Variants in AKAP13 observed in about 807,000 individuals in gnomAD.
AKAP13 encodes A-kinase anchoring protein 13.
Under a neutral mutation model 264.5 loss-of-function variants are expected in AKAP13, and 80 were observed. The ratio of observed to expected loss-of-function variants is 0.30; its 90% CI spans 0.25 to 0.36. AKAP13 has a LOEUF of 0.36. Among genes scored for constraint, AKAP13 ranks in the 10% least tolerant of loss-of-function variants. The pLI, the probability that AKAP13 is intolerant of heterozygous loss-of-function variation, is 1.00. For synonymous variants in AKAP13, 1,380 were observed against 1,250.2 expected, an observed-to-expected ratio of 1.10 and a Z score of -2.19; for missense variants, 3,712 against 3,435.2, an observed-to-expected ratio of 1.08 and a Z score of -2.01.
At chr15:85,695,829 G>A (rs2085536293) in intron 17 of AKAP13, among the ~76,000 whole-genome samples, 2 of 152,152 alleles carry the variant, frequency 1.3e-5, no homozygotes, top group South Asian at 2.1e-4. Context: ...GACTGTCACT[G>A]TTCAGTATTC....
At chr15:85,645,696 G>T in intron 9 of AKAP13, 122 bp from the exon 10 acceptor site, 1 of 1,060,562 alleles carries the variant, frequency 9.4e-7, no homozygotes. Context: ...GGAAGGAAGA[G>T]AAAAGAGTGA....
At position 85,719,235 on chromosome 15, in the gene AKAP13, A is replaced by G. The variant is rs1567212389; in HGVS notation, c.6161A>G (p.Gln2054Arg). The stretch of plus-strand genomic sequence containing the variant: ...ATCAGTATCCATAGCCAATTCTTCC[A>G]GAGGATTCTGGAGCGGAAGAAGGAG... ...ELISIHSQFF[Q>R]RILERKKESL... The change falls in exon 23 of 37, where the codon CAG becomes CGG. Residue 2054 changes from glutamine (Q) to arginine (R), a missense_variant. Gln to Arg is a conservative substitution (Grantham distance 43). This residue lies in a region of AKAP13 where 342 missense variants were observed against 484.3 expected (regional missense o/e 0.71). Coordinates refer to ENST00000394518, the MANE Select transcript of AKAP13 (RefSeq NM_007200.5). 1.2e-6 allele frequency: 2 copies of G among 1,614,190 alleles called. No individual in the cohort carries two copies. Among genetic ancestry groups the G allele is most frequent in the South Asian group, 1.1e-5 (1 of 91,088 alleles).
chr15:85,478,173 A>G (rs527831960), intron 1 of AKAP13, among the ~76,000 whole-genome samples: 1 of 152,252 alleles, frequency 6.6e-6, no homozygotes, highest in East Asian at 1.9e-4. Context: ...TAGGAACCAC[A>G]TATTATTTAT....
intron 1 of AKAP13, among the ~76,000 whole-genome samples, chr15:85,438,144 A>G (rs1436125582): frequency 6.1e-5 from 9 of 147,242 alleles, no homozygotes; most frequent in African/African-American, 7.8e-5. Context: ...TCAATGTACA[A>G]AAATCACAAG....
chr15:85,486,533 G>A (rs1039300176), intron 2 of AKAP13, among the ~76,000 whole-genome samples: 1 of 151,904 alleles, frequency 6.6e-6, no homozygotes, highest in African/African-American at 2.4e-5. Context: ...GAATTGTCTT[G>A]GGCATCCTTG....
chr15:85,674,509 G>C (rs1174776017), intron 14 of AKAP13, among the ~76,000 whole-genome samples: 4 of 152,134 alleles, frequency 2.6e-5, no homozygotes, highest in Admixed American at 2.6e-4. Context: ...TCACAAAGAA[G>C]GGCACTTTCC....
At chr15:85,520,455 G>T (rs976308454) in intron 2 of AKAP13, among the ~76,000 whole-genome samples, 1 of 135,064 alleles carries the variant, frequency 7.4e-6, no homozygotes, top group Non-Finnish European at 1.5e-5. Context: ...CTGAGATCAC[G>T]CCACTGCACT....
rs1410181573 is a variant in AKAP13, at chr15:85,749,210, A to C, written c.*4533A>C. On this transcript the variant is annotated 3_prime_UTR_variant, in exon 37 of 37. Transcript: ENST00000394518. Reference sequence around the variant, plus strand: ...ATAAAGTGAAGCAGTTTTAAACTGTAAAGATTTTTTTCAGTGTGTTTTCTC... The same window carrying C: ...ATAAAGTGAAGCAGTTTTAAACTGTCAAGATTTTTTTCAGTGTGTTTTCTC... The C allele has an allele frequency of 6.6e-6, 1 of 152,254 alleles. No individual in the cohort carries two copies. Among genetic ancestry groups the C allele is most frequent in the Non-Finnish European group, 1.5e-5 (1 of 68,050 alleles). The allele number at this position is 152,254 out of a possible 1,614,324, so 9.4% of individuals were successfully genotyped here. A position where few individuals can be genotyped will look rare whatever the true frequency, so the allele number is the denominator to read the frequency against.
intron 8 of AKAP13, chr15:85,619,578 A>G: frequency 2.0e-5 from 20 of 985,434 alleles, no homozygotes; most frequent in Non-Finnish European, 2.4e-5. Context: ...ACAGAATCTA[A>G]TGACTTTTTT....
At chr15:85,518,547 A>C (rs971936467) in intron 2 of AKAP13, among the ~76,000 whole-genome samples, 1 of 152,208 alleles carries the variant, frequency 6.6e-6, no homozygotes, top group African/African-American at 2.4e-5. Flanking sequence ...CAAAAAAACT[A>C]CAGACCAGGT....
At chr15:85,651,868 C>T (rs999255892) in intron 10 of AKAP13, among the ~76,000 whole-genome samples, 3 of 152,072 alleles carry the variant, frequency 2.0e-5, no homozygotes, top group African/African-American at 4.8e-5. Flanking sequence ...ACCTAGGATT[C>T]GAATTCTTAG....
chr15:85,744,647 A>C lies in AKAP13; in HGVS notation c.8412A>C (p.Val2804=). Reference sequence around the variant, plus strand: ...TTCCAGATGGTCCCGCGTCAGAAGTATCAGCAGAGGGTGAAGAGATCTTCT... The same window carrying C: ...TTCCAGATGGTCCCGCGTCAGAAGTCTCAGCAGAGGGTGAAGAGATCTTCT... ...SQPGDGPASE[V]SAEGEEIFC Residue 2804 remains valine, a synonymous_variant, in exon 37 of 37, where the codon GTA becomes GTC. Coordinates refer to ENST00000394518, the MANE Select transcript of AKAP13 (RefSeq NM_007200.5). 1 of 1,613,502 alleles carries C rather than the reference A, an allele frequency of 6.2e-7. No individual in the cohort carries two copies. Among genetic ancestry groups the C allele is most frequent in the Non-Finnish European group, 8.5e-7 (1 of 1,179,796 alleles).
chr15:85,651,662 C>T (rs954342215), intron 10 of AKAP13: 3 of 152,192 alleles, frequency 2.0e-5, no homozygotes, highest in Non-Finnish European at 2.9e-5. Flanking sequence ...CCTTCATTCA[C>T]GTTTGTACGC....
At chr15:85,679,068 A>G (rs1018825759) in intron 14 of AKAP13, among the ~76,000 whole-genome samples, 4 of 151,764 alleles carry the variant, frequency 2.6e-5, no homozygotes, top group Admixed American at 1.3e-4. Flanking sequence ...GTGAAACCCC[A>G]TCTCTACCAA....
In AKAP13 at chr15:85,389,414, G is replaced by T. The variant is rs565457552; in HGVS notation, c.-12+8616G>T. On this transcript the variant is annotated intron_variant, in intron 1 of 36. Transcript: ENST00000394518. ...ATCTCATTTGTTCCCTTCTCTTTGG[G>T]ACTGCAGTTCTGTGCTACCTGTTGT... Among the ~76,000 whole-genome samples, 6 of 152,272 alleles carry T rather than the reference G, an allele frequency of 3.9e-5. No individual in the cohort carries two copies. In the South Asian group the frequency reaches 1.2e-3, roughly 32 times the overall value.
intron 1 of AKAP13, among the ~76,000 whole-genome samples, chr15:85,437,558 G>A (rs2073370962): frequency 6.6e-6 from 1 of 151,844 alleles, no homozygotes; most frequent in South Asian, 2.1e-4. Flanking sequence ...GAACATTGAT[G>A]CAAAAATCCT....
rs751242439 is a variant in AKAP13, at chr15:85,580,752, A to C, written c.2684A>C (p.Gln895Pro). ...NIKGNTDSSL[Q>P]SVGKATLALD... Reference sequence around the variant, plus strand: ...AAGGGGAACACTGACTCTTCCCTGCAAAGTGTGGGTAAGGCCACTTTGGCT... The same window carrying C: ...AAGGGGAACACTGACTCTTCCCTGCCAAGTGTGGGTAAGGCCACTTTGGCT... Residue 895 changes from glutamine to proline, a missense_variant, in exon 7 of 37, where the codon CAA (glutamine) becomes CCA (proline). Around this residue, in one of 3 missense-constraint regions of AKAP13, gnomAD observed 2,759 missense variants for 2,411.7 expected, o/e 1.14. Transcript: ENST00000394518. 35 of 1,614,032 alleles carry C rather than the reference A, an allele frequency of 2.2e-5. No individual in the cohort carries two copies. The highest frequency in any genetic ancestry group is 3.0e-5 in the Non-Finnish European group (35 of 1,180,026).
chr15:85,698,521 C>A (rs1294409021), intron 17 of AKAP13, among the ~76,000 whole-genome samples: 1 of 148,726 alleles, frequency 6.7e-6, no homozygotes, highest in Non-Finnish European at 1.5e-5. Flanking sequence ...GGTTGCCAAA[C>A]TTTTTCTGCA....
rs2079127509 is a variant in AKAP13 at position 85,580,499 on chromosome 15, A to G, written c.2431A>G (p.Lys811Glu). Residue 811 changes from lysine to glutamate, a missense_variant, in exon 7 of 37, where the codon AAG becomes GAG. By Grantham distance (56) the Lys-to-Glu change is moderately conservative. This residue lies in a region of AKAP13 where 2,759 missense variants were observed against 2,411.7 expected (regional missense o/e 1.14). Transcript: ENST00000394518. ...TTCTTTTGTCCCCTCCCAGAAAGAA[A>G]AGGGAACAGCAACTCCTGAACTACA... Reference protein sequence around the residue: ...ALSFVPSQKEKGTATPELHTA... With the variant: ...ALSFVPSQKEEGTATPELHTA... 6.2e-7 allele frequency: 1 copy of G among 1,614,128 alleles called. No homozygotes were observed.
Sources: allele counts gnomAD v4.1 joint callset (sites outside exome capture counted in the v4.1 genomes callset), GRCh38; gene constraint gnomAD v4.1.1; regional missense constraint gnomAD v4.1.1; transcripts MANE v1.5; gene names NCBI Gene and HGNC (gene_info 2026-07-23, HGNC 2026-07-21).